The following LRP1B variants were observed in gnomAD, a reference collection of about 807,000 sequenced individuals.
LRP1B encodes LDL receptor related protein 1B.
Under a neutral mutation model 556.6 loss-of-function variants are expected in LRP1B, and 217 were observed. The observed-to-expected ratio is 0.39, with a 90% CI of 0.35 to 0.44. The LOEUF (loss-of-function observed/expected upper bound fraction) is 0.44, where lower values mean the gene tolerates loss of function less well. LRP1B is among the 20% of genes least tolerant of loss of function. The pLI is 1.00. For synonymous variants in LRP1B, 2,047 were observed against 1,865.8 expected, an observed-to-expected ratio of 1.10 and a Z score of -2.50; for missense variants, 5,053 against 5,620.8, an observed-to-expected ratio of 0.90 and a Z score of 3.23.
chr2:140,996,206 G>A (rs1349229731), intron 15 of LRP1B, among the ~76,000 whole-genome samples: 2 of 151,812 alleles, frequency 1.3e-5, no homozygotes, highest in Admixed American at 6.6e-5. Flanking sequence ...TTCTCCCAAG[G>A]CGTAAGGCAT....
chr2:140,261,551 G>A (rs1269002133), intron 86 of LRP1B, among the ~76,000 whole-genome samples: 4 of 151,644 alleles, frequency 2.6e-5, no homozygotes, highest in Admixed American at 1.3e-4. Flanking sequence ...CCTAATTATT[G>A]AATTATTAAT....
chr2:140,916,014 C>A (rs776267094), intron 21 of LRP1B, among the ~76,000 whole-genome samples: 1 of 151,546 alleles, frequency 6.6e-6, no homozygotes, highest in Non-Finnish European at 1.5e-5. Context: ...GGTGACAGAG[C>A]GAGACTCTGT....
chr2:141,780,268 T>C (rs1245701524), intron 2 of LRP1B, among the ~76,000 whole-genome samples: 1 of 152,038 alleles, frequency 6.6e-6, no homozygotes, highest in Non-Finnish European at 1.5e-5. Flanking sequence ...TTTTCAGAGA[T>C]GTTAAAAAGT....
intron 67 of LRP1B, among the ~76,000 whole-genome samples, chr2:140,384,336 G>A (rs1029055123): frequency 1.3e-5 from 2 of 151,992 alleles, no homozygotes; most frequent in Admixed American, 6.6e-5. Context: ...GCATAATTGT[G>A]GGATTTTTTA....
intron 1 of LRP1B, among the ~76,000 whole-genome samples, chr2:141,894,299 C>A (rs1699371676): frequency 6.6e-6 from 1 of 152,012 alleles, no homozygotes; most frequent in Non-Finnish European, 1.5e-5. Flanking sequence ...GTCCAAGTCT[C>A]AAAACTGCCT....
At chr2:141,226,483 G>A (rs1683254803) in intron 6 of LRP1B, among the ~76,000 whole-genome samples, 1 of 152,032 alleles carries the variant, frequency 6.6e-6, no homozygotes, top group African/African-American at 2.4e-5. Flanking sequence ...GACCTGCAAT[G>A]TTTTTCTTCT....
intron 37 of LRP1B, among the ~76,000 whole-genome samples, chr2:140,710,861 A>G (rs562231873): frequency 6.6e-6 from 1 of 152,214 alleles, no homozygotes; most frequent in South Asian, 2.1e-4. Context: ...CCATTTTAGG[A>G]GTTCAATGAT....
chr2:141,520,965 A>G (rs1684507169), intron 2 of LRP1B, among the ~76,000 whole-genome samples: 1 of 152,040 alleles, frequency 6.6e-6, no homozygotes, highest in Admixed American at 6.6e-5. Context: ...TCGGTGATAG[A>G]AGAAGGAGGG....
chr2:140,717,327 A>G (rs1687248255), intron 35 of LRP1B, among the ~76,000 whole-genome samples: 1 of 152,038 alleles, frequency 6.6e-6, no homozygotes, highest in Non-Finnish European at 1.5e-5. Flanking sequence ...GCATAAGGCC[A>G]CTCAGAAAGT....
intron 41 of LRP1B, among the ~76,000 whole-genome samples, chr2:140,605,148 C>T (rs1682822749): frequency 6.6e-6 from 1 of 152,118 alleles, no homozygotes; most frequent in Non-Finnish European, 1.5e-5. Context: ...GTACTACCTT[C>T]TTACTTACTG....
chr2:141,183,344 C>A (rs1471666911), intron 7 of LRP1B, among the ~76,000 whole-genome samples: 1 of 152,036 alleles, frequency 6.6e-6, no homozygotes. Context: ...CTTCACATAA[C>A]AACCCAGATT....
In LRP1B at chr2:140,867,601, C is replaced by T. The variant is rs770244633; in HGVS notation, c.4568G>A (p.Arg1523His). The T allele has an allele frequency of 5.0e-6, 8 of 1,611,446 alleles. No individual in the cohort carries two copies. The highest frequency in any genetic ancestry group is 1.1e-5 in the South Asian group (1 of 90,778). Reference sequence around the variant, plus strand: ...GAACAAGCACTTACCCTGTGGCTGGCGACTGGGATGGTATATCTGAAGGTC... The same window carrying T: ...GAACAAGCACTTACCCTGTGGCTGGTGACTGGGATGGTATATCTGAAGGTC... ...PFDLQIYHPS[R>H]QPQAPNPCAA... Residue 1523 changes from arginine to histidine, a missense_variant, in exon 27 of 91, where the codon CGC becomes CAC. Around this residue, in one of 5 missense-constraint regions of LRP1B, gnomAD observed 3,619 missense variants for 3,931.9 expected, o/e 0.92. Coordinates refer to ENST00000389484, the MANE Select transcript of LRP1B (RefSeq NM_018557.3).
chr2:141,782,160 G>A (rs916671386), intron 2 of LRP1B, among the ~76,000 whole-genome samples: 1 of 152,046 alleles, frequency 6.6e-6, no homozygotes, highest in Non-Finnish European at 1.5e-5. Flanking sequence ...ATTCCCACTG[G>A]GTTCTTTACC....
chr2:141,623,753 A>G (rs1297683428), intron 2 of LRP1B, among the ~76,000 whole-genome samples: 2 of 151,970 alleles, frequency 1.3e-5, no homozygotes, highest in Non-Finnish European at 2.9e-5. Context: ...GGGGTGGCTC[A>G]AGCCTGTAAT....
chr2:140,556,957 G>A (rs1225105035), intron 43 of LRP1B, among the ~76,000 whole-genome samples: 1 of 151,966 alleles, frequency 6.6e-6, no homozygotes, highest in Non-Finnish European at 1.5e-5. Flanking sequence ...ATGTGTTGAT[G>A]TCATCCTAAG....
At chr2:140,885,537 G>A (rs1380595816) in intron 24 of LRP1B, among the ~76,000 whole-genome samples, 1 of 151,900 alleles carries the variant, frequency 6.6e-6, no homozygotes, top group Non-Finnish European at 1.5e-5. Flanking sequence ...TTATAGTAGA[G>A]ATGGGGTTTC....
At chr2:141,104,186 A>T (rs1700545827) in intron 7 of LRP1B, among the ~76,000 whole-genome samples, 1 of 152,080 alleles carries the variant, frequency 6.6e-6, no homozygotes, top group African/African-American at 2.4e-5. Context: ...ATGTGAGAAC[A>T]TGTGGTATTT....
intron 2 of LRP1B, among the ~76,000 whole-genome samples, chr2:141,593,173 T>C (rs1352598535): frequency 6.6e-6 from 1 of 152,094 alleles, no homozygotes; most frequent in Non-Finnish European, 1.5e-5. Context: ...AATATTTACA[T>C]TCCAGGGAAG....
At chr2:140,777,267 GC>G (rs1689530686) in intron 32 of LRP1B, among the ~76,000 whole-genome samples, 1 of 152,132 alleles carries the variant, frequency 6.6e-6, no homozygotes, top group Admixed American at 6.5e-5. Flanking sequence ...CATCTCCTTA[GC>G]CCTTTGCCCC....
Sources: allele counts gnomAD v4.1 joint callset (sites outside exome capture counted in the v4.1 genomes callset), GRCh38; gene constraint gnomAD v4.1.1; regional missense constraint gnomAD v4.1.1; transcripts MANE v1.5; gene names NCBI Gene and HGNC (gene_info 2026-07-23, HGNC 2026-07-21).